Variants in CNTN5 observed in about 807,000 individuals in gnomAD.
CNTN5 encodes the protein contactin 5, also known as contactin-5.
CNTN5 carries 77 observed loss-of-function variants against 129.1 expected under a neutral mutation model. The observed-to-expected ratio is 0.60, with a 90% CI of 0.50 to 0.72. The LOEUF (loss-of-function observed/expected upper bound fraction) is 0.72, where lower values mean the gene tolerates loss of function less well. Ranked by LOEUF, CNTN5 falls within the 30% of genes least tolerant of loss-of-function variation. CNTN5 has a pLI of 0.00. For synonymous variants in CNTN5, 509 were observed against 465.6 expected (o/e 1.09, Z -1.20); for missense variants, 1,478 against 1,328.8 (o/e 1.11, Z -1.75).
At chr11:99,627,111 C>T (rs1392892607) in intron 3 of CNTN5, among the ~76,000 whole-genome samples, 3 of 152,018 alleles carry the variant, frequency 2.0e-5, no homozygotes, top group Non-Finnish European at 4.4e-5. Context: ...AGCCTGTCCC[C>T]TGAGAGGCTC....
chr11:99,932,248 A>G (rs1403950418), intron 7 of CNTN5, among the ~76,000 whole-genome samples: 2 of 152,132 alleles, frequency 1.3e-5, no homozygotes, highest in South Asian at 2.1e-4. Flanking sequence ...GCTGGAGTTC[A>G]ATGGGTCGAT....
At chr11:99,468,171 T>A (rs1250204295) in intron 2 of CNTN5, among the ~76,000 whole-genome samples, 1 of 152,186 alleles carries the variant, frequency 6.6e-6, no homozygotes, top group Non-Finnish European at 1.5e-5. Context: ...TTGGGTGAAC[T>A]CCCTCAGATA....
intron 2 of CNTN5, among the ~76,000 whole-genome samples, chr11:99,509,168 A>T (rs1357086809): frequency 1.3e-5 from 2 of 152,180 alleles, no homozygotes; most frequent in African/African-American, 4.8e-5. Context: ...GAATTCTCAT[A>T]TATATTTCAG....
intron 2 of CNTN5, among the ~76,000 whole-genome samples, chr11:99,329,420 T>C (rs1048742164): frequency 6.6e-6 from 1 of 152,188 alleles, no homozygotes; most frequent in Non-Finnish European, 1.5e-5. Flanking sequence ...GAAATATTTA[T>C]TTTCTGGAGT....
intron 4 of CNTN5, among the ~76,000 whole-genome samples, chr11:99,843,880 AAATTCAC>A (rs1415005572): frequency 6.6e-6 from 1 of 152,208 alleles, no homozygotes; most frequent in Non-Finnish European, 1.5e-5. Context: ...ACTTTTTCAC[AAATTCAC>A]AATTCACTAT....
At chr11:100,316,311 A>G (rs1235332676) in intron 21 of CNTN5, among the ~76,000 whole-genome samples, 1 of 152,184 alleles carries the variant, frequency 6.6e-6, no homozygotes, top group Non-Finnish European at 1.5e-5. Context: ...TTTATTCAGT[A>G]TCGGGCACTA....
intron 3 of CNTN5, among the ~76,000 whole-genome samples, chr11:99,708,559 T>C (rs1412747946): frequency 2.0e-5 from 3 of 151,752 alleles, no homozygotes; most frequent in African/African-American, 7.2e-5. Flanking sequence ...AAATTAGATA[T>C]ATGAAAAAGG....
intron 1 of CNTN5, among the ~76,000 whole-genome samples, chr11:99,110,471 A>G (rs1297594455): frequency 6.6e-6 from 1 of 152,160 alleles, no homozygotes; most frequent in Middle Eastern, 3.2e-3. Flanking sequence ...ATTGTAAGCA[A>G]TGTTGGCCTT....
chr11:99,231,911 T>G (rs761074148), intron 1 of CNTN5, among the ~76,000 whole-genome samples: 19 of 152,180 alleles, frequency 1.2e-4, no homozygotes, highest in Non-Finnish European at 2.6e-4. Flanking sequence ...AGGGAATCAT[T>G]TCCTCATTGC....
intron 3 of CNTN5, among the ~76,000 whole-genome samples, chr11:99,727,283 G>A (rs1304687759): frequency 8.5e-5 from 9 of 105,466 alleles, no homozygotes; most frequent in African/African-American, 3.0e-4. Flanking sequence ...TCCGCAGTCC[G>A]GCCTGGGCGA....
At chr11:99,392,571 A>G (rs1941318779) in intron 2 of CNTN5, among the ~76,000 whole-genome samples, 1 of 151,880 alleles carries the variant, frequency 6.6e-6, no homozygotes, top group South Asian at 2.1e-4. Context: ...TAAATGAATT[A>G]CTTTAGATAT....
At chr11:100,106,991 G>A (rs1370894789) in intron 13 of CNTN5, among the ~76,000 whole-genome samples, 1 of 152,032 alleles carries the variant, frequency 6.6e-6, no homozygotes, top group Non-Finnish European at 1.5e-5. Context: ...TTTGGCAGTT[G>A]GAAGACATAT....
At chr11:99,443,965 A>G (rs1475455861) in intron 2 of CNTN5, among the ~76,000 whole-genome samples, 2 of 152,172 alleles carry the variant, frequency 1.3e-5, no homozygotes, top group Admixed American at 1.3e-4. Flanking sequence ...TGGGAGGCCA[A>G]GGCAGCTGTA....
chr11:99,257,459 T>A (rs1862425389), intron 1 of CNTN5, among the ~76,000 whole-genome samples: 1 of 152,100 alleles, frequency 6.6e-6, no homozygotes, highest in Non-Finnish European at 1.5e-5. Flanking sequence ...TCCATACCTA[T>A]CTTAAAAGGA....
intron 2 of CNTN5, among the ~76,000 whole-genome samples, chr11:99,430,715 G>A (rs1943329739): frequency 6.6e-6 from 1 of 151,652 alleles, no homozygotes; most frequent in Non-Finnish European, 1.5e-5. Flanking sequence ...TTTAACCATA[G>A]GCCTCCAAAA....
At chr11:99,555,394 T>G (rs1179234597) in intron 2 of CNTN5, among the ~76,000 whole-genome samples, 1 of 152,020 alleles carries the variant, frequency 6.6e-6, no homozygotes, top group Non-Finnish European at 1.5e-5. Flanking sequence ...GTCAAGTTCT[T>G]GCAGAAAGTT....
chr11:99,243,711 A>G (rs939288752), intron 1 of CNTN5, among the ~76,000 whole-genome samples: 2 of 149,276 alleles, frequency 1.3e-5, no homozygotes, highest in Admixed American at 6.7e-5. Context: ...CTTTTATTCA[A>G]TAGGAAGTCC....
Position 99,905,379 on chromosome 11 carries a change from G to A in CNTN5, c.578-10675G>A, listed in dbSNP as rs115283792. 7.3e-3 allele frequency among the ~76,000 whole-genome samples: 1,109 copies of A among 152,038 alleles called. 14 individuals carry two copies. Among genetic ancestry groups the A allele is most frequent in the African/African-American group, 0.026 (1,061 of 41,510 alleles). ...ATATGGCTAGCCAGTTTTGCAAATAGCGTTTATTAAATAGAAAATTCTTTC... is the reference window on the plus strand; with the variant it reads ...ATATGGCTAGCCAGTTTTGCAAATAACGTTTATTAAATAGAAAATTCTTTC... On this transcript the variant is annotated intron_variant, in intron 6 of 24. Transcript: ENST00000524871.
At chr11:100,067,927 G>C (rs1039597126) in intron 10 of CNTN5, among the ~76,000 whole-genome samples, 2 of 151,884 alleles carry the variant, frequency 1.3e-5, no homozygotes, top group African/African-American at 4.8e-5. Context: ...ATTTGTTTTG[G>C]AATCAGGACT....
Sources: allele counts gnomAD v4.1 joint callset (sites outside exome capture counted in the v4.1 genomes callset), GRCh38; gene constraint gnomAD v4.1.1; transcripts MANE v1.5; gene names NCBI Gene and HGNC (gene_info 2026-07-23, HGNC 2026-07-21).